The following CIZ1 variants were observed in gnomAD, a reference collection of about 807,000 sequenced individuals.
The protein encoded by CIZ1 is CDKN1A interacting zinc finger protein 1, also known as cip1-interacting zinc finger protein.
In CIZ1, 58 loss-of-function variants were observed where a neutral mutation model predicts 118.6. The ratio of observed to expected loss-of-function variants is 0.49; its 90% CI spans 0.40 to 0.61. The LOEUF is 0.61. Among genes scored for constraint, CIZ1 ranks in the 20% least tolerant of loss-of-function variants. The probability of loss-of-function intolerance (pLI) is 0.00; values close to 1 mark genes in which losing one functional copy is unlikely to be tolerated. For synonymous variants in CIZ1, 448 were observed against 443.4 expected (o/e 1.01, Z -0.13); for missense variants, 921 against 1,115.9 (o/e 0.83, Z 2.49).
intron 4 of CIZ1, 86 bp from the exon 5 acceptor site, chr9:128,185,862 A>T: frequency 1.1e-6 from 1 of 899,236 alleles, no homozygotes; most frequent in South Asian, 1.4e-5. Context: ...CCAGAGCATC[A>T]TGGGAACATC....
chr9:128,181,246 G>A (rs909481658), intron 5 of CIZ1, among the ~76,000 whole-genome samples: 7 of 152,092 alleles, frequency 4.6e-5, no homozygotes, highest in Non-Finnish European at 1.0e-4. Context: ...CTCCCAAATA[G>A]CTGGGATTAC....
chr9:128,191,337 C>A lies in CIZ1; in HGVS notation c.-6+95G>T. The A allele has an allele frequency of 2.6e-6, 1 of 387,268 alleles. No homozygotes were observed. The highest frequency in any genetic ancestry group is 9.8e-5 in the South Asian group (1 of 10,196). The allele number at this position is 387,268 out of a possible 1,614,324, so 24.0% of individuals were successfully genotyped here. A position where few individuals can be genotyped will look rare whatever the true frequency, so the allele number is the denominator to read the frequency against. On this transcript the variant is annotated intron_variant, in intron 1 of 16. Coordinates refer to ENST00000372938, the MANE Select transcript of CIZ1 (RefSeq NM_001131016.2). This position sits in a 1 kb window ranked among gnomAD's most constrained non-coding sequence, Gnocchi z 5.5. ...CCACCACCGCCACCTCCTCGCGCCC[C>A]ACTCCGCCCGCTCCCACCCCGCCAG...
In CIZ1 at chr9:128,185,566, G is replaced by A. The variant is rs760827265; in HGVS notation, c.569C>T (p.Ser190Phe). The change falls in exon 5 of 17, where the codon TCT (serine) becomes TTT (phenylalanine). Residue 190 changes from serine (S) to phenylalanine (F), a missense_variant. Coordinates refer to ENST00000372938, the MANE Select transcript of CIZ1 (RefSeq NM_001131016.2). The stretch of plus-strand genomic sequence containing the variant: ...ACTCACCTTTCGATTGGGGGTGGTA[G>A]AGGAGGAGGTCCGGGCCTGTTTCTG... ...NPQKQARTSS[S>F]TTPNRKDSSS... The A allele has an allele frequency of 1.3e-6, 2 of 1,519,206 alleles. No individual in the cohort carries two copies. The highest frequency in any genetic ancestry group is 4.4e-5 in the Admixed American group (2 of 45,588). 94.1% of individuals were successfully genotyped at this position (1,519,206 alleles called of 1,614,324 possible). A position where few individuals can be genotyped will look rare whatever the true frequency, so the allele number is the denominator to read the frequency against.
In CIZ1 at chr9:128,191,498, C is replaced by A; in HGVS notation, c.-72G>T. On this transcript the variant is annotated 5_prime_UTR_variant, in exon 1 of 17. Coordinates refer to ENST00000372938, the MANE Select transcript of CIZ1 (RefSeq NM_001131016.2). This position sits in a 1 kb window ranked among gnomAD's most constrained non-coding sequence, Gnocchi z 5.5. ...GGATGGGCCGGCCCCGCAGCCCCCACGCCTCGGCCGGGCGGCTCCGGCCCG... is the reference window on the plus strand; with the variant it reads ...GGATGGGCCGGCCCCGCAGCCCCCAAGCCTCGGCCGGGCGGCTCCGGCCCG... 1 of 998,916 alleles carries A rather than the reference C, an allele frequency of 1.0e-6. No individual in the cohort carries two copies. The highest frequency in any genetic ancestry group is 1.2e-6 in the Non-Finnish European group (1 of 838,244). 61.9% of individuals were successfully genotyped at this position (998,916 alleles called of 1,614,324 possible). A position where few individuals can be genotyped will look rare whatever the true frequency, so the allele number is the denominator to read the frequency against.
chr9:128,185,285 C>G (rs985328995), intron 5 of CIZ1, among the ~76,000 whole-genome samples: 2 of 152,040 alleles, frequency 1.3e-5, no homozygotes, highest in African/African-American at 4.8e-5. Context: ...TCTCAAAAAA[C>G]AAACAAAAAA....
chr9:128,203,338 T>G lies in CIZ1; in HGVS notation c.-6+848A>C. ...CCCTAGCGGCGTCCGGGAGCGGTGC[T>G]CGCTCCGATCCCCGAGGGGCGGGGG... On this transcript the variant is annotated intron_variant, in intron 1 of 17. Coordinates refer to the CIZ1 transcript ENST00000372948. The surrounding 1 kb of genome is among the most constrained non-coding windows in gnomAD (Gnocchi z 5.3). 1 of 859,440 alleles carries G rather than the reference T, an allele frequency of 1.2e-6. No homozygotes were observed. Among genetic ancestry groups the G allele is most frequent in the Non-Finnish European group, 1.5e-6 (1 of 660,778 alleles). 53.2% of individuals were successfully genotyped at this position (859,440 alleles called of 1,614,324 possible).
chr9:128,190,844 TG>T lies in CIZ1; in HGVS notation c.13del (p.Gln5SerfsTer65). 6.5e-7 allele frequency: 1 copy of T among 1,543,728 alleles called. No individual in the cohort carries two copies. The highest frequency in any genetic ancestry group is 1.9e-5 in the Admixed American group (1 of 51,626). On this transcript the variant is annotated frameshift_variant, in exon 2 of 17. Coordinates refer to ENST00000372938, the MANE Select transcript of CIZ1 (RefSeq NM_001131016.2). LOFTEE classifies it high-confidence loss of function. MFSQ[Q>X]QQQQLQQQQQ... ...CTGTTGCTGGAGCTGCTGCTGCTGC[TG>T]CTGGCTGAACATGGTGGCTAGGGGC...
At chr9:128,185,987 T>C (rs776731943) in intron 4 of CIZ1, among the ~76,000 whole-genome samples, 1 of 152,128 alleles carries the variant, frequency 6.6e-6, no homozygotes, top group Non-Finnish European at 1.5e-5. Flanking sequence ...GGCTCTTTTC[T>C]GCCCCAGCTA....
intron 7 of CIZ1, among the ~76,000 whole-genome samples, chr9:128,180,212 A>G (rs1831399951): frequency 1.3e-5 from 2 of 152,120 alleles, no homozygotes; most frequent in South Asian, 4.1e-4. Context: ...CTCAGTCTCA[A>G]GGAAGACACC....
At chr9:128,185,985 T>A (rs1373466290) in intron 4 of CIZ1, among the ~76,000 whole-genome samples, 4 of 152,124 alleles carry the variant, frequency 2.6e-5, no homozygotes, top group Admixed American at 1.3e-4. Flanking sequence ...AGGGCTCTTT[T>A]CTGCCCCAGC....
At chr9:128,193,825 A>G (rs1833308431), upstream of CIZ1, among the ~76,000 whole-genome samples, 1 of 152,328 alleles carries the variant, frequency 6.6e-6, no homozygotes, top group East Asian at 1.9e-4. Context: ...CCTTGTGGCT[A>G]GGTGACACTG....
At chr9:128,168,978 G>A (rs973807753) in intron 14 of CIZ1, 74 bp downstream of exon 14, 22 of 1,595,530 alleles carry the variant, frequency 1.4e-5, no homozygotes, top group Middle Eastern at 1.7e-4. Flanking sequence ...TCTGGCCTCC[G>A]GGAGGTGGGA....
chr9:128,186,450 A>G (rs929796335), intron 4 of CIZ1, among the ~76,000 whole-genome samples: 5 of 151,866 alleles, frequency 3.3e-5, no homozygotes, highest in African/African-American at 1.2e-4. Context: ...CCTCTTCCCA[A>G]TCTGACTTTC....
At chr9:128,185,146 C>T (rs1345276331) in intron 5 of CIZ1, among the ~76,000 whole-genome samples, 2 of 151,972 alleles carry the variant, frequency 1.3e-5, no homozygotes, top group African/African-American at 4.8e-5. Context: ...GGCGTGGTGG[C>T]GCATGCCTGT....
Position 128,166,494 on chromosome 9 carries a change from G to T in CIZ1, c.2488-88C>A. On this transcript the variant is annotated intron_variant, in intron 16 of 16. Coordinates refer to ENST00000372938, the MANE Select transcript of CIZ1 (RefSeq NM_001131016.2). This position sits in a 1 kb window ranked among gnomAD's most constrained non-coding sequence, Gnocchi z 4.4. ...CAGCTACTTCCCCAGCTCTGGCTGA[G>T]ACAGTATTAGTGTGCTCTGTGACCC... is the stretch of plus-strand genomic sequence containing the variant. 1 of 1,166,780 alleles carries T rather than the reference G, an allele frequency of 8.6e-7. No homozygotes were observed. Among genetic ancestry groups the T allele is most frequent in the Non-Finnish European group, 1.2e-6 (1 of 831,384 alleles). The allele number at this position is 1,166,780 out of a possible 1,614,324, so 72.3% of individuals were successfully genotyped here.
chr9:128,191,661 A>C (rs1833172405), upstream of CIZ1: 2 of 1,241,118 alleles, frequency 1.6e-6, no homozygotes, highest in East Asian at 3.3e-5. The surrounding 1 kb of genome is among the most constrained non-coding windows in gnomAD (Gnocchi z 5.5). Flanking sequence ...GAGCCCGCCC[A>C]GTGCACAAGT....
intron 11 of CIZ1, 105 bp downstream of exon 11, chr9:128,176,246 G>C (rs908945559): frequency 2.1e-6 from 3 of 1,411,632 alleles, no homozygotes; most frequent in African/African-American, 1.4e-5. Flanking sequence ...CTGGCTGGGG[G>C]TGCAGTGCTT....
chr9:128,174,491 C>A (rs1209924265), intron 11 of CIZ1, among the ~76,000 whole-genome samples: 3 of 152,092 alleles, frequency 2.0e-5, no homozygotes, highest in African/African-American at 7.2e-5. Flanking sequence ...CTAACCTAAG[C>A]CAGAAACATT....
intron 9 of CIZ1, among the ~76,000 whole-genome samples, chr9:128,178,107 T>A (rs1299950402): frequency 6.6e-6 from 1 of 151,948 alleles, no homozygotes; most frequent in African/African-American, 2.4e-5. Context: ...ACATTACCCA[T>A]GCGAGGAGAC....
Sources: allele counts gnomAD v4.1 joint callset (sites outside exome capture counted in the v4.1 genomes callset), GRCh38; gene constraint gnomAD v4.1.1; non-coding constraint Gnocchi (gnomAD v3.1); transcripts MANE v1.5; gene names NCBI Gene and HGNC (gene_info 2026-07-23, HGNC 2026-07-21).